The following GDAP1 variants were observed in gnomAD, a reference collection of about 807,000 sequenced individuals.
GDAP1 encodes the protein ganglioside-induced differentiation-associated protein 1.
A neutral mutation model predicts 40.1 loss-of-function variants in GDAP1; 34 were observed. That is an observed-to-expected ratio of 0.85 (90% CI 0.64 to 1.13). GDAP1 has a LOEUF of 1.13. Ranked by LOEUF, GDAP1 falls within the 50% of genes most tolerant of loss-of-function variation. GDAP1 has a pLI of 0.00. For synonymous variants in GDAP1, 170 were observed against 157.4 expected (o/e 1.08, Z -0.60); for missense variants, 374 against 433.7 (o/e 0.86, Z 1.22).
intron 2 of GDAP1, among the ~76,000 whole-genome samples, chr8:74,418,222 T>C (rs1212338692): frequency 1.3e-5 from 2 of 152,200 alleles, no homozygotes; most frequent in Non-Finnish European, 2.9e-5. Flanking sequence ...AGAACTACAA[T>C]AGCCAAAACA....
At chr8:74,393,830 T>G (rs1335830095) in intron 2 of GDAP1, among the ~76,000 whole-genome samples, 2 of 152,182 alleles carry the variant, frequency 1.3e-5, no homozygotes, top group African/African-American at 4.8e-5. Flanking sequence ...ATGAATACTT[T>G]TAAGAGCTAA....
chr8:74,361,585 C>T (rs751662488), intron 3 of GDAP1, among the ~76,000 whole-genome samples: 5 of 152,030 alleles, frequency 3.3e-5, no homozygotes, highest in Admixed American at 6.6e-5. Context: ...TTAGTAGAGA[C>T]GGGGTTTCAC....
At chr8:74,457,835 C>T (rs1055686592) in intron 2 of GDAP1, among the ~76,000 whole-genome samples, 1 of 152,108 alleles carries the variant, frequency 6.6e-6, no homozygotes, top group African/African-American at 2.4e-5. Context: ...CACTATGACT[C>T]AGTGATCAGA....
downstream of GDAP1, among the ~76,000 whole-genome samples, chr8:74,368,969 C>T (rs1275645247): frequency 1.3e-5 from 2 of 152,168 alleles, no homozygotes; most frequent in Admixed American, 1.3e-4. Flanking sequence ...CACTGCTCTG[C>T]ACCCATCCTA....
chr8:74,365,583 G>T lies in GDAP1; in HGVS notation c.*1216G>T, dbSNP rs774957472. The T allele has an allele frequency of 2.2e-6, 1 of 454,486 alleles. No individual in the cohort carries two copies. The allele number at this position is 454,486 out of a possible 1,614,324, so 28.2% of individuals were successfully genotyped here. On this transcript the variant is annotated 3_prime_UTR_variant, in exon 6 of 6. Transcript: ENST00000220822. ...AGCCATTTCTGGTGTCTGGTGGGTAGCAGGCATAGAGATGATGTGCCGAGG... is the reference window on the plus strand; with the variant it reads ...AGCCATTTCTGGTGTCTGGTGGGTATCAGGCATAGAGATGATGTGCCGAGG...
chr8:74,356,716 A>ATATATATATATATATTTT (rs375377157), intron 2 of GDAP1, among the ~76,000 whole-genome samples: 1 of 104,360 alleles, frequency 9.6e-6, no homozygotes, highest in African/African-American at 4.1e-5. Context: ...ATATATATAT[A>ATATATATATATATATTTT]TTTTTTTTTT....
intron 2 of GDAP1, among the ~76,000 whole-genome samples, chr8:74,395,990 G>T (rs1256582832): frequency 6.6e-6 from 1 of 152,182 alleles, no homozygotes; most frequent in Non-Finnish European, 1.5e-5. Context: ...GTAAATGTCA[G>T]AGTGTCTCAC....
Position 74,451,536 on chromosome 8 carries a change from T to A in GDAP1, c.166-37142T>A, listed in dbSNP as rs1338135281. 3.6e-5 allele frequency among the ~76,000 whole-genome samples: 3 copies of A among 83,564 alleles called. 1 individual carries two copies. The highest frequency in any genetic ancestry group is 2.4e-4 in the Admixed American group (2 of 8,328). The allele number at this position is 83,564 out of a possible 152,430, so 54.8% of individuals were successfully genotyped here. On this transcript the variant is annotated intron_variant, in intron 2 of 2. Transcript: ENST00000523640. Reference sequence around the variant, plus strand: ...AAGTACATTTTTACCATTAAAAAAATTTTTTTATAGACCTGAGTTTCCATT... The same window carrying A: ...AAGTACATTTTTACCATTAAAAAAAATTTTTTATAGACCTGAGTTTCCATT...
intron 2 of GDAP1, among the ~76,000 whole-genome samples, chr8:74,415,839 G>A (rs539227669): frequency 6.7e-6 from 1 of 149,910 alleles, no homozygotes; most frequent in Admixed American, 6.6e-5. Context: ...AACTGTGAGA[G>A]AGGTTCTGGC....
chr8:74,356,458 A>G (rs1035112604), intron 2 of GDAP1, among the ~76,000 whole-genome samples: 11 of 152,090 alleles, frequency 7.2e-5, no homozygotes, highest in Admixed American at 7.2e-4. Context: ...TATTGACAAT[A>G]ATGCTATAAA....
chr8:74,455,106 G>A (rs1806319467), intron 2 of GDAP1, among the ~76,000 whole-genome samples: 1 of 151,796 alleles, frequency 6.6e-6, no homozygotes, highest in Admixed American at 6.6e-5. Context: ...AAAATTAAAA[G>A]ATTCATCATA....
In GDAP1 at chr8:74,365,028, G is replaced by C. The variant is rs1156592276; in HGVS notation, c.*661G>C. ...GTGGTAATGGTTCCTTACTGTTTTA[G>C]ATGGTGCCTGTGAGATACCATTCCT... On this transcript the variant is annotated 3_prime_UTR_variant, in exon 6 of 6. Transcript: ENST00000220822. 1 of 454,092 alleles carries C rather than the reference G, an allele frequency of 2.2e-6. No individual in the cohort carries two copies. Among genetic ancestry groups the C allele is most frequent in the Non-Finnish European group, 4.4e-6 (1 of 226,796 alleles). The allele number at this position is 454,092 out of a possible 1,614,324, so 28.1% of individuals were successfully genotyped here. A position where few individuals can be genotyped will look rare whatever the true frequency, so the allele number is the denominator to read the frequency against.
intron 2 of GDAP1, among the ~76,000 whole-genome samples, chr8:74,422,331 T>C (rs1563465364): frequency 1.5e-5 from 1 of 66,356 alleles, no homozygotes; most frequent in Non-Finnish European, 2.7e-5. Flanking sequence ...CTTTCTTTCT[T>C]TCTTTCTTTC....
intron 2 of GDAP1, among the ~76,000 whole-genome samples, chr8:74,352,177 A>G (rs978560175): frequency 2.6e-5 from 4 of 152,234 alleles, no homozygotes; most frequent in Admixed American, 2.0e-4. Context: ...CAAAGCCTTC[A>G]TACTACACTG....
At chr8:74,371,464 T>C (rs1436158917), downstream of GDAP1, among the ~76,000 whole-genome samples, 2 of 151,858 alleles carry the variant, frequency 1.3e-5, no homozygotes, top group African/African-American at 4.8e-5. Flanking sequence ...ATCGAGACCA[T>C]TCTGGCTAAC....
chr8:74,476,784 A>G (rs1806635009), intron 2 of GDAP1, among the ~76,000 whole-genome samples: 1 of 152,062 alleles, frequency 6.6e-6, no homozygotes. Flanking sequence ...CTTGTGAAGT[A>G]TTTTGTGAGG....
downstream of GDAP1, among the ~76,000 whole-genome samples, chr8:74,371,382 C>T (rs538898745): frequency 2.1e-4 from 32 of 152,252 alleles, no homozygotes; most frequent in East Asian, 5.8e-4. Flanking sequence ...AAAATATGGC[C>T]GGGCGCGGTG....
At chr8:74,402,312 A>T (rs7813869) in intron 2 of GDAP1, among the ~76,000 whole-genome samples, 74,502 of 149,858 alleles carry the variant, frequency 0.5, 19,866 homozygotes, top group African/African-American at 0.57. Flanking sequence ...CTCAGACAGC[A>T]GTGCTAGCAA....
intron 2 of GDAP1, among the ~76,000 whole-genome samples, chr8:74,471,876 C>T (rs757531906): frequency 1.3e-5 from 2 of 152,098 alleles, no homozygotes; most frequent in Non-Finnish European, 2.9e-5. Flanking sequence ...GAGTAGTACA[C>T]AGTTATATAG....
Sources: allele counts gnomAD v4.1 joint callset (sites outside exome capture counted in the v4.1 genomes callset), GRCh38; gene constraint gnomAD v4.1.1; transcripts MANE v1.5; gene names NCBI Gene and HGNC (gene_info 2026-07-23, HGNC 2026-07-21).